SLC6A5: variants seen among roughly 807,000 people sequenced by gnomAD.
SLC6A5 encodes the protein sodium- and chloride-dependent glycine transporter 2.
In SLC6A5, 58 loss-of-function variants were observed where a neutral mutation model predicts 90.5. The observed-to-expected ratio is 0.64, with a 90% CI of 0.52 to 0.80. SLC6A5 has a LOEUF of 0.80. Ranked by LOEUF, SLC6A5 falls within the 30% of genes least tolerant of loss-of-function variation. SLC6A5 has a pLI of 0.00. For synonymous variants in SLC6A5, 427 were observed against 401.4 expected, an observed-to-expected ratio of 1.06 and a Z score of -0.76; for missense variants, 1,015 against 1,017.6, an observed-to-expected ratio of 1.00 and a Z score of 0.03.
At chr11:20,625,619 T>G (rs1381378591) in intron 7 of SLC6A5, among the ~76,000 whole-genome samples, 1 of 152,158 alleles carries the variant, frequency 6.6e-6, no homozygotes, top group Non-Finnish European at 1.5e-5. Context: ...GCAATACCCT[T>G]TTGCTGGCAT....
intron 5 of SLC6A5, among the ~76,000 whole-genome samples, chr11:20,613,255 G>A (rs1852726393): frequency 6.6e-6 from 1 of 152,204 alleles, no homozygotes; most frequent in Admixed American, 6.5e-5. Context: ...GCTTAAATTA[G>A]TCAATGCATG....
At chr11:20,637,035 C>A (rs940355972) in intron 11 of SLC6A5, 137 bp from the exon 12 acceptor site, 5 of 877,568 alleles carry the variant, frequency 5.7e-6, no homozygotes, top group African/African-American at 3.3e-5. Context: ...GCTTTTTAGA[C>A]CCATTGAGGG....
intron 2 of SLC6A5, among the ~76,000 whole-genome samples, chr11:20,604,001 T>A (rs11601505): frequency 6.6e-6 from 1 of 151,868 alleles, no homozygotes; most frequent in African/African-American, 2.4e-5. Flanking sequence ...GCGCCCTGAC[T>A]GTATGATCTG....
intron 7 of SLC6A5, 143 bp from the exon 8 acceptor site, chr11:20,626,565 C>A: frequency 4.7e-6 from 4 of 860,182 alleles, no homozygotes; most frequent in South Asian, 1.5e-5. Context: ...CCTGCTTCCC[C>A]AGCCCTGGCT....
intron 10 of SLC6A5, among the ~76,000 whole-genome samples, chr11:20,632,244 C>G (rs1290722734): frequency 6.6e-6 from 1 of 152,148 alleles, no homozygotes; most frequent in African/African-American, 2.4e-5. Context: ...TCTAGAAGAT[C>G]TTAGGCATTT....
intron 8 of SLC6A5, 45 bp downstream of exon 8, chr11:20,626,887 C>T (rs1853007690): frequency 1.9e-6 from 3 of 1,575,154 alleles, no homozygotes; most frequent in Non-Finnish European, 2.6e-6. Context: ...GGGAGTGGCC[C>T]TCTGGGAGGC....
intron 2 of SLC6A5, among the ~76,000 whole-genome samples, chr11:20,603,240 G>A (rs892506096): frequency 5.5e-5 from 8 of 146,076 alleles, no homozygotes; most frequent in Non-Finnish European, 9.3e-5. Flanking sequence ...GAAACTGTGT[G>A]TTGGCCTGAG....
chr11:20,602,961 C>T (rs991856317), intron 2 of SLC6A5, among the ~76,000 whole-genome samples: 3 of 152,140 alleles, frequency 2.0e-5, no homozygotes, highest in African/African-American at 7.2e-5. Flanking sequence ...CCTTTGCAGC[C>T]CTGGAAGGAT....
At chr11:20,622,043 G>A (rs938882483) in intron 7 of SLC6A5, among the ~76,000 whole-genome samples, 3 of 152,214 alleles carry the variant, frequency 2.0e-5, no homozygotes, top group Non-Finnish European at 4.4e-5. Flanking sequence ...TGAGAAGGAT[G>A]CCTGGAGGTG....
chr11:20,601,713 C>G, intron 2 of SLC6A5, 48 bp downstream of exon 2: 5 of 1,556,066 alleles, frequency 3.2e-6, no homozygotes, highest in Non-Finnish European at 4.3e-6. Flanking sequence ...TCTCCAGCTG[C>G]GCGAGAGAGG....
chr11:20,643,757 C>T (rs1341597355), intron 13 of SLC6A5, among the ~76,000 whole-genome samples: 1 of 152,146 alleles, frequency 6.6e-6, no homozygotes, highest in East Asian at 1.9e-4. Flanking sequence ...GGAAAAGTTG[C>T]CTTGGATGAA....
intron 1 of SLC6A5, 22 bp from the exon 2 acceptor site, chr11:20,601,107 G>C: frequency 6.3e-7 from 1 of 1,577,350 alleles, no homozygotes; most frequent in African/African-American, 1.3e-5. Context: ...TGTTTTGCAC[G>C]AACTTGACAT....
chr11:20,628,581 C>A (rs1404418365), intron 9 of SLC6A5, among the ~76,000 whole-genome samples: 1 of 152,122 alleles, frequency 6.6e-6, no homozygotes. Flanking sequence ...TTATGAGATG[C>A]TAGTGATTAG....
chr11:20,610,263 C>A (rs748015053), intron 5 of SLC6A5, among the ~76,000 whole-genome samples: 1 of 152,204 alleles, frequency 6.6e-6, no homozygotes, highest in South Asian at 2.1e-4. Flanking sequence ...CGGGTGGACC[C>A]GAAGGCTCCG....
intron 10 of SLC6A5, among the ~76,000 whole-genome samples, chr11:20,631,611 C>T (rs1165601049): frequency 6.6e-6 from 1 of 152,182 alleles, no homozygotes; most frequent in Non-Finnish European, 1.5e-5. Flanking sequence ...TAGTAGGTTT[C>T]AGTGATCAAG....
chr11:20,616,175 C>A lies in SLC6A5; in HGVS notation c.1127+1355C>A, dbSNP rs1205711122. ...CTCCTGGTTTTCTTTCCTGTAGACTCAGGGTGTACATAGTTGTTCCCTGCA... is the reference window on the plus strand; with the variant it reads ...CTCCTGGTTTTCTTTCCTGTAGACTAAGGGTGTACATAGTTGTTCCCTGCA... On this transcript the variant is annotated intron_variant, in intron 6 of 15. Transcript: ENST00000525748. Among the ~76,000 whole-genome samples, 5 of 152,274 alleles carry A rather than the reference C, an allele frequency of 3.3e-5. No homozygotes were observed. In the South Asian group the frequency reaches 6.2e-4, roughly 19 times the overall value.
chr11:20,626,615 C>A, intron 7 of SLC6A5, 93 bp from the exon 8 acceptor site: 3 of 1,390,034 alleles, frequency 2.2e-6, no homozygotes, highest in Non-Finnish European at 3.1e-6. Context: ...CTCTGTCATG[C>A]GCAGCCCCAC....
intron 15 of SLC6A5, 114 bp from the exon 16 acceptor site, chr11:20,654,599 C>T (rs747439086): frequency 2.9e-6 from 3 of 1,034,320 alleles, no homozygotes; most frequent in South Asian, 1.3e-5. Context: ...CCTCTTGGCT[C>T]AAGCAAGGAC....
chr11:20,645,221 C>G (rs181915440), intron 13 of SLC6A5, among the ~76,000 whole-genome samples: 87 of 152,218 alleles, frequency 5.7e-4, no homozygotes, highest in African/African-American at 2.0e-3. Flanking sequence ...CACATCACAT[C>G]CATCCTTCCC....
Sources: allele counts gnomAD v4.1 joint callset (sites outside exome capture counted in the v4.1 genomes callset), GRCh38; gene constraint gnomAD v4.1.1; transcripts MANE v1.5; gene names NCBI Gene and HGNC (gene_info 2026-07-23, HGNC 2026-07-21).